SMYD3: variants seen among roughly 807,000 people sequenced by gnomAD.
SMYD3 encodes the protein SET and MYND domain containing 3, also known as histone-lysine N-methyltransferase SMYD3.
SMYD3 carries 36 observed loss-of-function variants against 57.7 expected under a neutral mutation model. The observed-to-expected ratio is 0.62, with a 90% confidence interval of 0.48 to 0.82. The LOEUF is 0.82. SMYD3 is among the 40% of genes least tolerant of loss of function. The pLI, the probability that SMYD3 is intolerant of heterozygous loss-of-function variation, is 0.00. For synonymous variants in SMYD3, 211 were observed against 195.0 expected, an observed-to-expected ratio of 1.08 and a Z score of -0.68; for missense variants, 515 against 538.8, an observed-to-expected ratio of 0.96 and a Z score of 0.44.
At chr1:246,016,430 A>G (rs557113171) in intron 5 of SMYD3, among the ~76,000 whole-genome samples, 2 of 151,828 alleles carry the variant, frequency 1.3e-5, no homozygotes, top group Non-Finnish European at 2.9e-5. Flanking sequence ...TAAAAATACA[A>G]AAATTAGCCA....
At chr1:246,309,255 T>C (rs1279062073) in intron 5 of SMYD3, among the ~76,000 whole-genome samples, 2 of 152,200 alleles carry the variant, frequency 1.3e-5, no homozygotes, top group African/African-American at 4.8e-5. Context: ...ACAATGCATT[T>C]ATCAAAATAC....
chr1:246,362,834 T>A (rs1416130154), intron 1 of SMYD3, among the ~76,000 whole-genome samples: 1 of 152,156 alleles, frequency 6.6e-6, no homozygotes, highest in Non-Finnish European at 1.5e-5. Flanking sequence ...CCCAGCCGCC[T>A]GCCTTGGCCT....
intron 5 of SMYD3, among the ~76,000 whole-genome samples, chr1:246,126,473 T>C (rs1329509136): frequency 1.3e-5 from 2 of 152,220 alleles, no homozygotes; most frequent in Non-Finnish European, 2.9e-5. Flanking sequence ...TATCAAGGAA[T>C]GCAACATCCT....
chr1:246,398,809 G>GA (rs1254119789), intron 1 of SMYD3, among the ~76,000 whole-genome samples: 4 of 152,050 alleles, frequency 2.6e-5, no homozygotes, highest in Non-Finnish European at 5.9e-5. Context: ...AGAACCCAAA[G>GA]AAACAGAATT....
chr1:246,328,788 C>A (rs560970079), intron 4 of SMYD3, among the ~76,000 whole-genome samples: 1 of 152,044 alleles, frequency 6.6e-6, no homozygotes, highest in African/African-American at 2.4e-5. Context: ...GTGCTGCACC[C>A]ATTAACTCGT....
At chr1:246,402,749 A>C (rs2066793396) in intron 1 of SMYD3, among the ~76,000 whole-genome samples, 1 of 152,204 alleles carries the variant, frequency 6.6e-6, no homozygotes, top group South Asian at 2.1e-4. Flanking sequence ...AAACACCTAA[A>C]TAAAACATGA....
At chr1:245,940,029 T>C (rs1185829241) in intron 5 of SMYD3, among the ~76,000 whole-genome samples, 1 of 152,170 alleles carries the variant, frequency 6.6e-6, no homozygotes, top group African/African-American at 2.4e-5. Context: ...TGGCAAATCA[T>C]GGCCAGACTG....
At chr1:246,062,569 G>T (rs1405477381) in intron 5 of SMYD3, among the ~76,000 whole-genome samples, 1 of 152,136 alleles carries the variant, frequency 6.6e-6, no homozygotes, top group Non-Finnish European at 1.5e-5. Context: ...ACTAACCCAA[G>T]AATGCCTTGG....
chr1:246,442,780 A>T (rs1196177454), intron 1 of SMYD3, among the ~76,000 whole-genome samples: 1 of 152,166 alleles, frequency 6.6e-6, no homozygotes, highest in African/African-American at 2.4e-5. Flanking sequence ...AAACACTGGT[A>T]CTGCTTCCTC....
intron 5 of SMYD3, among the ~76,000 whole-genome samples, chr1:246,300,859 T>C (rs1450705535): frequency 6.6e-6 from 1 of 152,192 alleles, no homozygotes; most frequent in Non-Finnish European, 1.5e-5. Context: ...TTTTCATTAC[T>C]GATTACAAAG....
chr1:246,426,608 G>C (rs1365136263), intron 1 of SMYD3, among the ~76,000 whole-genome samples: 2 of 152,106 alleles, frequency 1.3e-5, no homozygotes, highest in Admixed American at 1.3e-4. Context: ...GTTTTTTTAA[G>C]TAAAATGTCA....
intron 1 of SMYD3, among the ~76,000 whole-genome samples, chr1:246,431,612 C>T (rs1032694889): frequency 6.6e-6 from 1 of 152,156 alleles, no homozygotes; most frequent in Admixed American, 6.6e-5. Context: ...CGCCTGCAGT[C>T]CCAGCTACTC....
At chr1:245,893,044 T>A (rs531141058) in intron 8 of SMYD3, among the ~76,000 whole-genome samples, 1 of 152,292 alleles carries the variant, frequency 6.6e-6, no homozygotes, top group African/African-American at 2.4e-5. Context: ...ACCCAATTTT[T>A]AAAATAGGCA....
intron 8 of SMYD3, among the ~76,000 whole-genome samples, chr1:245,869,335 C>T (rs1326205039): frequency 6.6e-6 from 1 of 152,212 alleles, no homozygotes; most frequent in African/African-American, 2.4e-5. Context: ...CTGGTTCCAG[C>T]GCTGGTGGCA....
intron 5 of SMYD3, among the ~76,000 whole-genome samples, chr1:245,939,218 T>C (rs958997344): frequency 1.3e-4 from 20 of 152,098 alleles, no homozygotes; most frequent in African/African-American, 4.8e-4. Flanking sequence ...GAAAAGTAGA[T>C]TAAACATATT....
At chr1:245,911,107 T>C (rs953644112) in intron 8 of SMYD3, among the ~76,000 whole-genome samples, 3 of 151,872 alleles carry the variant, frequency 2.0e-5, no homozygotes, top group South Asian at 4.2e-4. Context: ...CCAACAGATA[T>C]ATAAAAAAAT....
At chr1:246,431,995 T>C (rs184991142) in intron 1 of SMYD3, among the ~76,000 whole-genome samples, 4 of 152,300 alleles carry the variant, frequency 2.6e-5, no homozygotes, top group African/African-American at 7.2e-5. Context: ...TGGAAAAAAG[T>C]ATATAGTCTG....
intron 10 of SMYD3, among the ~76,000 whole-genome samples, chr1:245,797,399 C>G (rs1273885711): frequency 6.7e-6 from 1 of 149,308 alleles, no homozygotes; most frequent in Non-Finnish European, 1.5e-5. Context: ...AGCTGGAAAC[C>G]ATCATTCTCA....
chr1:246,365,136 T>C (rs2066076478), intron 1 of SMYD3, among the ~76,000 whole-genome samples: 1 of 151,808 alleles, frequency 6.6e-6, no homozygotes. Flanking sequence ...ACATCACAGA[T>C]CTCTAAGGAA....
Sources: gnomAD v4.1 joint callset for allele counts (sites outside exome capture counted in the v4.1 genomes callset) on GRCh38, gnomAD v4.1.1 for gene constraint, MANE v1.5 for transcripts, NCBI Gene and HGNC (gene_info 2026-07-23, HGNC 2026-07-21) for gene names.